Variants in SCP2 observed in about 807,000 individuals in gnomAD.
SCP2 encodes sterol carrier protein 2.
Under a neutral mutation model 71.4 loss-of-function variants are expected in SCP2, and 48 were observed. The ratio of observed to expected loss-of-function variants is 0.67; its 90% CI spans 0.53 to 0.86. SCP2 has a LOEUF of 0.86. SCP2 is among the 40% of genes least tolerant of loss of function. The pLI is 0.00. For synonymous variants in SCP2, 220 were observed against 218.1 expected (o/e 1.01, Z -0.08); for missense variants, 560 against 655.6 (o/e 0.85, Z 1.59).
chr1:52,938,782 C>T (rs1411319338), intron 1 of SCP2, among the ~76,000 whole-genome samples: 1 of 152,200 alleles, frequency 6.6e-6, no homozygotes, highest in African/African-American at 2.4e-5. Flanking sequence ...GATCGATGAA[C>T]ATACATTGAC....
intron 11 of SCP2, chr1:52,993,846 C>T (rs1382407155): frequency 1.3e-6 from 2 of 1,498,294 alleles, no homozygotes; most frequent in Non-Finnish European, 1.8e-6. Context: ...TGCATTTATA[C>T]AACATTAGTA....
At chr1:52,934,878 G>A (rs1231353595) in intron 1 of SCP2, 1 of 149,402 alleles carries the variant, frequency 6.7e-6, no homozygotes, top group African/African-American at 2.4e-5. Context: ...TGTTAGCCAG[G>A]ATGGTCTCGA....
chr1:52,949,408 A>G (rs1655094982), intron 3 of SCP2, among the ~76,000 whole-genome samples: 1 of 152,200 alleles, frequency 6.6e-6, no homozygotes, highest in African/African-American at 2.4e-5. Flanking sequence ...ATAAAGAAAT[A>G]GCACTTGAAC....
Position 52,955,307 on chromosome 1 carries a change from T to G in SCP2, c.396+503T>G, listed in dbSNP as rs77554765. 6.4e-3 allele frequency among the ~76,000 whole-genome samples: 970 copies of G among 152,280 alleles called. 15 individuals are homozygous for G. Among genetic ancestry groups the G allele is most frequent in the African/African-American group, 0.023 (935 of 41,544 alleles). On this transcript the variant is annotated intron_variant, in intron 5 of 15. Transcript: ENST00000371514. The stretch of plus-strand genomic sequence containing the variant: ...CTTTTGCCTTGAAGATCTTTGCTGA[T>G]CAGGCAGCTGTGAGCCACAATTTTA...
rs370034310 is a variant in SCP2, at chr1:52,996,156, G to A, written c.1081+8020G>A. 87 of 405,380 alleles carry A rather than the reference G, an allele frequency of 2.1e-4. 1 individual carries two copies. The South Asian group carries it at 9.0e-3, about 42-fold the overall frequency. 25.1% of individuals were successfully genotyped at this position (405,380 alleles called of 1,614,324 possible). ...CTAGATCTAGAACAGTGCTTAGCAC[G>A]TAGTAGGCACTCAATAAGTATTTGT... On this transcript the variant is annotated intron_variant, in intron 11 of 15. Transcript: ENST00000371514.
chr1:53,042,840 A>G (rs1164598993), intron 14 of SCP2, among the ~76,000 whole-genome samples: 1 of 152,172 alleles, frequency 6.6e-6, no homozygotes, highest in African/African-American at 2.4e-5. Flanking sequence ...AGATGATTAT[A>G]TTATGGATTT....
At chr1:53,042,524 A>G (rs1209461524) in intron 14 of SCP2, among the ~76,000 whole-genome samples, 1 of 152,114 alleles carries the variant, frequency 6.6e-6, no homozygotes. Flanking sequence ...AAGGGATCTT[A>G]CCCTGGGGAA....
intron 6 of SCP2, among the ~76,000 whole-genome samples, chr1:52,964,997 C>T (rs1007251401): frequency 2.0e-5 from 3 of 151,718 alleles, no homozygotes; most frequent in East Asian, 3.9e-4. Flanking sequence ...GGCAACAGAG[C>T]GAGACTCCAT....
At chr1:52,994,033 G>T in intron 11 of SCP2, 1 of 1,179,340 alleles carries the variant, frequency 8.5e-7, no homozygotes, top group South Asian at 1.9e-5. Flanking sequence ...CACCCTCAAG[G>T]TACCGTATCT....
In SCP2 at chr1:52,980,464, T is replaced by C. The variant is rs1557582496; in HGVS notation, c.894T>C (p.Asp298=). The C allele has an allele frequency of 1.2e-6, 2 of 1,613,824 alleles. No individual in the cohort carries two copies. Among genetic ancestry groups the C allele is most frequent in the African/African-American group, 2.7e-5 (2 of 74,924 alleles). The part of the protein sequence containing the change: ...CYEKSGLTPN[D]IDVIELHDCF... ...AGAAATCTGGCCTGACACCAAATGA[T>C]ATTGACGTAATAGAACTTCACGATT... Residue 298 remains aspartate (D), a synonymous_variant, in exon 10 of 16, where the codon GAT becomes GAC. Coordinates refer to ENST00000371514, the MANE Select transcript of SCP2 (RefSeq NM_002979.5).
intron 11 of SCP2, among the ~76,000 whole-genome samples, chr1:53,008,665 C>T (rs1183767101): frequency 1.3e-5 from 2 of 152,124 alleles, no homozygotes; most frequent in Admixed American, 6.5e-5. Context: ...AAACCCACAG[C>T]CAATATCATA....
At chr1:52,970,658 C>T (rs1238204783) in intron 6 of SCP2, among the ~76,000 whole-genome samples, 1 of 151,900 alleles carries the variant, frequency 6.6e-6, no homozygotes, top group East Asian at 1.9e-4. Context: ...GGTATTTTCA[C>T]ACTTGGGGAG....
At chr1:52,955,123 G>A (rs1386836819) in intron 5 of SCP2, among the ~76,000 whole-genome samples, 1 of 152,118 alleles carries the variant, frequency 6.6e-6, no homozygotes, top group Non-Finnish European at 1.5e-5. Context: ...TCTGATTCTG[G>A]TAATGGCAAG....
intron 10 of SCP2, among the ~76,000 whole-genome samples, chr1:52,987,006 AT>A (rs1163545483): frequency 0.16 from 17,636 of 108,656 alleles, 1,090 homozygotes; most frequent in Non-Finnish European, 0.21. Flanking sequence ...ATATATATAT[AT>A]TTTTTTTTTT....
chr1:52,931,174 G>A (rs1244743777), intron 1 of SCP2, among the ~76,000 whole-genome samples: 2 of 152,192 alleles, frequency 1.3e-5, no homozygotes, highest in South Asian at 2.1e-4. Flanking sequence ...GAGATATATC[G>A]GAAGATTTTT....
At chr1:53,045,421 C>T (rs1351408457) in intron 14 of SCP2, among the ~76,000 whole-genome samples, 1 of 152,108 alleles carries the variant, frequency 6.6e-6, no homozygotes, top group Admixed American at 6.5e-5. Context: ...GGCGAATACC[C>T]CAGAATTTAT....
At chr1:52,952,441 G>A (rs1051272664) in intron 4 of SCP2, among the ~76,000 whole-genome samples, 1 of 152,148 alleles carries the variant, frequency 6.6e-6, no homozygotes, top group Admixed American at 6.5e-5. Context: ...TGCCCAGGCT[G>A]ATCTTGAGCT....
chr1:52,974,233 C>CT (rs1251001364), intron 6 of SCP2, among the ~76,000 whole-genome samples: 3 of 151,636 alleles, frequency 2.0e-5, no homozygotes, highest in East Asian at 3.9e-4. Context: ...CATTACTGTA[C>CT]TTTTTTTTGT....
intron 6 of SCP2, among the ~76,000 whole-genome samples, chr1:52,964,425 C>T (rs977138921): frequency 5.3e-5 from 8 of 151,882 alleles, no homozygotes; most frequent in African/African-American, 1.9e-4. Context: ...TGGTCTCAAT[C>T]TCCTGACCTC....
Sources: gnomAD v4.1 joint callset for allele counts (sites outside exome capture counted in the v4.1 genomes callset) on GRCh38, gnomAD v4.1.1 for gene constraint, MANE v1.5 for transcripts, NCBI Gene and HGNC (gene_info 2026-07-23, HGNC 2026-07-21) for gene names.